POLE: variants seen among roughly 807,000 people sequenced by gnomAD.
POLE encodes the protein DNA polymerase epsilon, catalytic subunit.
POLE carries 188 observed loss-of-function variants against 279.2 expected under a neutral mutation model. The ratio of observed to expected loss-of-function variants is 0.67; its 90% confidence interval spans 0.60 to 0.76. POLE has a LOEUF of 0.76. Among genes scored for constraint, POLE ranks in the 30% least tolerant of loss-of-function variants. POLE has a pLI of 0.00. For missense variants in POLE, 2,703 were observed against 3,016.7 expected (o/e 0.90, Z 2.44); for synonymous variants, 1,214 against 1,172.5 (o/e 1.04, Z -0.72).
chr12:132,678,039 G>A (rs903822620), intron 6 of POLE, among the ~76,000 whole-genome samples: 18 of 152,090 alleles, frequency 1.2e-4, no homozygotes, highest in African/African-American at 2.2e-4. Context: ...TTAGCCAGGC[G>A]TGGTGGCGCA....
rs2041956333 is a variant in POLE, at chr12:132,632,610, G to A, written c.6136+54C>T. The A allele has an allele frequency of 3.1e-6, 5 of 1,612,424 alleles. No individual in the cohort carries two copies. The South Asian group carries it at 3.3e-5, about 11-fold the overall frequency. On this transcript the variant is annotated intron_variant, in intron 44 of 48. Coordinates refer to ENST00000320574, the MANE Select transcript of POLE (RefSeq NM_006231.4). ...CCGGGGACCACCCATGGCACACAGA[G>A]GAGTTAGGTCACTGGCACATGGCAG...
intron 41 of POLE, among the ~76,000 whole-genome samples, chr12:132,636,977 C>A (rs1457703211): frequency 6.6e-6 from 1 of 152,216 alleles, no homozygotes; most frequent in Admixed American, 6.5e-5. Flanking sequence ...GTACAGGGCA[C>A]CCCTGGAGCT....
intron 31 of POLE, 25 bp downstream of exon 31, chr12:132,649,281 C>T (rs766626863): frequency 4.4e-6 from 7 of 1,605,464 alleles, no homozygotes; most frequent in Non-Finnish European, 3.4e-6. Context: ...GAGCCACTGC[C>T]CTCCCCTTGG....
chr12:132,644,086 G>A (rs900999902), intron 32 of POLE, 109 bp from the exon 33 acceptor site: 28 of 1,124,118 alleles, frequency 2.5e-5, no homozygotes, highest in African/African-American at 1.4e-4. Context: ...TGCCCCTAGC[G>A]ACGGGGTACA....
chr12:132,650,150 G>A (rs1287213039), intron 29 of POLE: 6 of 479,860 alleles, frequency 1.3e-5, no homozygotes, highest in East Asian at 3.7e-5. Flanking sequence ...TGGAGGCTGC[G>A]GCGAACTATG....
intron 26 of POLE, 114 bp downstream of exon 26, chr12:132,659,181 C>T: frequency 2.8e-6 from 3 of 1,079,616 alleles, no homozygotes; most frequent in Non-Finnish European, 4.0e-6. Flanking sequence ...CGTGACAGGG[C>T]AGCCCTCACC....
intron 32 of POLE, among the ~76,000 whole-genome samples, chr12:132,647,463 C>T (rs966433828): frequency 8.0e-5 from 12 of 149,976 alleles, no homozygotes; most frequent in South Asian, 4.2e-4. Flanking sequence ...AAAAAAAAAG[C>T]GTATTATCCC....
intron 32 of POLE, among the ~76,000 whole-genome samples, chr12:132,644,216 C>T (rs1286132081): frequency 1.3e-5 from 2 of 152,012 alleles, no homozygotes; most frequent in African/African-American, 4.8e-5. Context: ...GGCTGGAGTG[C>T]AGCAGTGTGA....
chr12:132,627,221 G>A (rs913435299), intron 45 of POLE, among the ~76,000 whole-genome samples: 1 of 151,952 alleles, frequency 6.6e-6, no homozygotes, highest in Admixed American at 6.5e-5. Flanking sequence ...GGTGGAGGTT[G>A]CAGTTAGCCA....
chr12:132,627,993 G>C (rs1198406576), intron 45 of POLE, among the ~76,000 whole-genome samples: 1 of 152,230 alleles, frequency 6.6e-6, no homozygotes, highest in Non-Finnish European at 1.5e-5. Context: ...TGGCAACTAA[G>C]TTTATGGAAT....
chr12:132,670,312 G>A (rs1422483699), intron 16 of POLE, among the ~76,000 whole-genome samples: 1 of 151,810 alleles, frequency 6.6e-6, no homozygotes, highest in African/African-American at 2.4e-5. Flanking sequence ...GGAGGCAGAG[G>A]TTGTGGTGAG....
intron 47 of POLE, 81 bp downstream of exon 47, chr12:132,625,564 C>T (rs2041819098): frequency 6.4e-7 from 1 of 1,566,376 alleles, no homozygotes; most frequent in East Asian, 2.2e-5. Context: ...TCAGGACCTG[C>T]ACACACCCCG....
Position 132,665,483 on chromosome 12 carries a change from G to C in POLE, c.2320-33C>G, listed in dbSNP as rs764670001. Reference sequence around the variant, plus strand: ...GCACATGAACATGGAGCACCTCACAGATTCTTCCATTTCACATTCTACAAA... The same window carrying C: ...GCACATGAACATGGAGCACCTCACACATTCTTCCATTTCACATTCTACAAA... On this transcript the variant is annotated intron_variant, in intron 20 of 48. Transcript: ENST00000320574. 3 of 1,579,230 alleles carry C rather than the reference G, an allele frequency of 1.9e-6. No individual in the cohort carries two copies. Among genetic ancestry groups the C allele is most frequent in the Non-Finnish European group, 1.7e-6 (2 of 1,160,436 alleles).
intron 27 of POLE, 49 bp from the exon 28 acceptor site, chr12:132,657,478 A>G (rs777846322): frequency 3.4e-6 from 5 of 1,489,582 alleles, no homozygotes; most frequent in Non-Finnish European, 4.7e-6. Context: ...GCAGCAGCCA[A>G]GAGTGGGGCT....
chr12:132,647,877 T>C (rs1357356979), intron 32 of POLE, among the ~76,000 whole-genome samples: 1 of 152,136 alleles, frequency 6.6e-6, no homozygotes, highest in South Asian at 2.1e-4. Flanking sequence ...GTGCGGGGAT[T>C]ACAGGTGTGA....
rs1555221015 is a variant in POLE at position 132,632,798 on chromosome 12, G to T, written c.6005-3C>A. On this transcript the variant is annotated splice_region_variant and splice_polypyrimidine_tract_variant and intron_variant, in intron 43 of 48. Coordinates refer to ENST00000320574, the MANE Select transcript of POLE (RefSeq NM_006231.4). Reference sequence around the variant, plus strand: ...GTGGTACACGGCCACGATGTACGCTGTGGAGAGGCACACACACCACAGGCC... The same window carrying T: ...GTGGTACACGGCCACGATGTACGCTTTGGAGAGGCACACACACCACAGGCC... 1 of 1,601,346 alleles carries T rather than the reference G, an allele frequency of 6.2e-7. No individual in the cohort carries two copies. The highest frequency in any genetic ancestry group is 8.5e-7 in the Non-Finnish European group (1 of 1,175,972).
rs1382652919 is a variant in POLE at position 132,634,351 on chromosome 12, C to T, written c.5839G>A (p.Glu1947Lys). ...LQDSQKAGGA[E>K]DEQENEDDEE... ...TCGTCCTCATTTTCCTGCTCATCCT[C>T]TGCTCCCCCTGCTTTCTGGGAGTCT... Residue 1947 changes from glutamate to lysine, a missense_variant, in exon 43 of 49, where the codon GAG (glutamate) becomes AAG (lysine). Coordinates refer to ENST00000320574, the MANE Select transcript of POLE (RefSeq NM_006231.4). This position sits in a 1 kb window ranked among gnomAD's most constrained non-coding sequence, Gnocchi z 4.0. 7 of 1,613,834 alleles carry T rather than the reference C, an allele frequency of 4.3e-6. No individual in the cohort carries two copies. Among genetic ancestry groups the T allele is most frequent in the Admixed American group, 1.7e-5 (1 of 60,010 alleles).
At chr12:132,682,010 C>A (rs2043177230) in intron 1 of POLE, among the ~76,000 whole-genome samples, 2 of 152,122 alleles carry the variant, frequency 1.3e-5, no homozygotes, top group South Asian at 2.1e-4. Flanking sequence ...CATGGTGAAA[C>A]CCTGTCTCTA....
intron 25 of POLE, 170 bp from the exon 26 acceptor site, chr12:132,659,679 A>G: frequency 1.7e-6 from 1 of 602,192 alleles, no homozygotes; most frequent in East Asian, 2.8e-5. Flanking sequence ...ACATACACAC[A>G]CACACAAAAC....
Sources: allele counts gnomAD v4.1 joint callset (sites outside exome capture counted in the v4.1 genomes callset), GRCh38; gene constraint gnomAD v4.1.1; non-coding constraint Gnocchi (gnomAD v3.1); transcripts MANE v1.5; gene names NCBI Gene and HGNC (gene_info 2026-07-23, HGNC 2026-07-21).